BCL9L: variants seen among roughly 807,000 people sequenced by gnomAD.
BCL9L encodes B-cell CLL/lymphoma 9-like protein.
Under a neutral mutation model 99.4 loss-of-function variants are expected in BCL9L, and 19 were observed. The observed-to-expected ratio is 0.19, with a 90% CI of 0.13 to 0.28. The LOEUF (loss-of-function observed/expected upper bound fraction) is 0.28, where lower values mean the gene tolerates loss of function less well. BCL9L is among the 10% of genes least tolerant of loss of function. The pLI, the probability that BCL9L is intolerant of heterozygous loss-of-function variation, is 1.00. For synonymous variants in BCL9L, 900 were observed against 854.8 expected, an observed-to-expected ratio of 1.05 and a Z score of -0.92; for missense variants, 2,023 against 2,101.6, an observed-to-expected ratio of 0.96 and a Z score of 0.73.
In BCL9L at chr11:118,901,557, C is replaced by T. The variant is rs1478840279; in HGVS notation, c.2186G>A (p.Gly729Asp). Residue 729 changes from glycine (G) to aspartate (D), a missense_variant, in exon 8 of 10, where the codon GGT becomes GAT. Coordinates refer to ENST00000683865, the MANE Select transcript of BCL9L (RefSeq NM_001378213.1). The surrounding 1 kb of genome is among the most constrained non-coding windows in gnomAD (Gnocchi z 6.6). ...GGGAGTGCCCGCCAGGCCCTCACCA[C>T]CAGCCATCTGCCCGGGAAACATGGC... ...DPAMFPGQMAGGEGLAGTPMG... is the reference protein window; with the variant it reads ...DPAMFPGQMADGEGLAGTPMG... The T allele has an allele frequency of 1.2e-6, 2 of 1,614,048 alleles. No homozygotes were observed. The highest frequency in any genetic ancestry group is 2.2e-5 in the East Asian group (1 of 44,886).
chr11:118,903,304 C>T lies in BCL9L; in HGVS notation c.681G>A (p.Gly227=). ...LRPDAPGGGG[G]GGGVPGKPPS... ...GAGGCTTTCCGGGGACGCCCCCGCCCCCGCCCCCGCCCCCAGGGGCATCAG... is the reference window on the plus strand; with the variant it reads ...GAGGCTTTCCGGGGACGCCCCCGCCTCCGCCCCCGCCCCCAGGGGCATCAG... Residue 227 remains glycine (G), a synonymous_variant, in exon 6 of 10, where the codon GGG becomes GGA. Coordinates refer to ENST00000683865, the MANE Select transcript of BCL9L (RefSeq NM_001378213.1). This position sits in a 1 kb window ranked among gnomAD's most constrained non-coding sequence, Gnocchi z 5.6. 6.4e-7 allele frequency: 1 copy of T among 1,569,626 alleles called. No individual in the cohort carries two copies. Among genetic ancestry groups the T allele is most frequent in the Non-Finnish European group, 8.6e-7 (1 of 1,157,196 alleles).
intron 5 of BCL9L, among the ~76,000 whole-genome samples, chr11:118,904,595 A>G (rs77768793): frequency 3.9e-5 from 6 of 152,208 alleles, no homozygotes; most frequent in Admixed American, 1.3e-4. Context: ...GTAGAAAAAA[A>G]TCTACAACGG....
At position 118,902,627 on chromosome 11, in the gene BCL9L, G is replaced by A; in HGVS notation, c.1116C>T (p.Ser372=). 1 of 1,599,806 alleles carries A rather than the reference G, an allele frequency of 6.3e-7. No individual in the cohort carries two copies. Among genetic ancestry groups the A allele is most frequent in the South Asian group, 1.1e-5 (1 of 91,074 alleles). The change falls in exon 8 of 10, where the codon AGC becomes AGT. Residue 372 remains serine (S), a synonymous_variant. Coordinates refer to ENST00000683865, the MANE Select transcript of BCL9L (RefSeq NM_001378213.1). This position sits in a 1 kb window ranked among gnomAD's most constrained non-coding sequence, Gnocchi z 7.8. ...NNPLPPGGDP[S]SAPGPALLGE... is the part of the protein sequence containing the mutation. ...CCAGCAGGGCAGGGCCGGGGGCACT[G>A]CTGGGGTCTCCTCCAGGAGGCAGAG...
Position 118,903,013 on chromosome 11 carries a change from C to G in BCL9L, c.811G>C (p.Val271Leu), listed in dbSNP as rs371563283. The change falls in exon 7 of 10, where the codon GTG becomes CTG. Residue 271 changes from valine to leucine, a missense_variant. Around this residue, in one of 3 missense-constraint regions of BCL9L, gnomAD observed 1,116 missense variants for 1,194.6 expected, o/e 0.93. Transcript: ENST00000683865. The surrounding 1 kb of genome is among the most constrained non-coding windows in gnomAD (Gnocchi z 5.6). ...DSILAYHQQN[V>L]PRAKLDQAPK... ...ACCTGGTCAAGCTTGGCCCGGGGCACGTTCTGCTGGTGGTAGGCGAGGATG... is the reference window on the plus strand; with the variant it reads ...ACCTGGTCAAGCTTGGCCCGGGGCAGGTTCTGCTGGTGGTAGGCGAGGATG... 1 of 1,595,942 alleles carries G rather than the reference C, an allele frequency of 6.3e-7. No homozygotes were observed. The highest frequency in any genetic ancestry group is 8.5e-7 in the Non-Finnish European group (1 of 1,174,970).
At chr11:118,919,888 G>A (rs1397209509) in intron 1 of BCL9L, among the ~76,000 whole-genome samples, 17 of 152,198 alleles carry the variant, frequency 1.1e-4, no homozygotes, top group Admixed American at 1.1e-3. Context: ...GCAGTGACGT[G>A]TGTGCGTGTC....
intron 2 of BCL9L, 191 bp from the exon 3 acceptor site, chr11:118,910,206 T>G: frequency 2.0e-6 from 1 of 506,400 alleles, no homozygotes; most frequent in Non-Finnish European, 3.6e-6. Context: ...TCCCGCACCT[T>G]GCCCTCAGGG....
In BCL9L at chr11:118,903,562, C is replaced by T; in HGVS notation, c.533-110G>A. ...GCCTTACAGCTCGTGCCCACAGGGACATTTGATGTCAGTATCTGGTGTTCT... is the reference window on the plus strand; with the variant it reads ...GCCTTACAGCTCGTGCCCACAGGGATATTTGATGTCAGTATCTGGTGTTCT... On this transcript the variant is annotated intron_variant, in intron 5 of 9. Coordinates refer to ENST00000683865, the MANE Select transcript of BCL9L (RefSeq NM_001378213.1). The surrounding 1 kb of genome is among the most constrained non-coding windows in gnomAD (Gnocchi z 5.6). 2.5e-6 allele frequency: 3 copies of T among 1,180,202 alleles called. No individual in the cohort carries two copies. Among genetic ancestry groups the T allele is most frequent in the South Asian group, 2.7e-5 (2 of 74,954 alleles). 73.1% of individuals were successfully genotyped at this position (1,180,202 alleles called of 1,614,324 possible).
chr11:118,906,432 AC>A (rs1940522094), intron 5 of BCL9L, among the ~76,000 whole-genome samples: 1 of 151,816 alleles, frequency 6.6e-6, no homozygotes, highest in Non-Finnish European at 1.5e-5. Flanking sequence ...TTGGTATTTG[AC>A]CCTCTACACC....
At position 118,898,372 on chromosome 11, in the gene BCL9L, C is replaced by T. The variant is rs751094289; in HGVS notation, c.*43G>A. ...AGGGGAAGAACTTTGTTAAGGTTATCGTATTTGCAACATTGCCCCGGCTCC... is the reference window on the plus strand; with the variant it reads ...AGGGGAAGAACTTTGTTAAGGTTATTGTATTTGCAACATTGCCCCGGCTCC... On this transcript the variant is annotated 3_prime_UTR_variant, in exon 10 of 10. Coordinates refer to ENST00000683865, the MANE Select transcript of BCL9L (RefSeq NM_001378213.1). 57 of 1,332,272 alleles carry T rather than the reference C, an allele frequency of 4.3e-5. No homozygotes were observed. The East Asian group carries it at 7.7e-4, about 18-fold the overall frequency. 82.5% of individuals were successfully genotyped at this position (1,332,272 alleles called of 1,614,324 possible).
At position 118,897,770 on chromosome 11, in the gene BCL9L, G is replaced by A. The variant is rs1488974898; in HGVS notation, c.*645C>T. The A allele has an allele frequency of 2.2e-6, 1 of 448,080 alleles. No homozygotes were observed. The highest frequency in any genetic ancestry group is 2.1e-5 in the African/African-American group (1 of 48,600). The allele number at this position is 448,080 out of a possible 1,614,324, so 27.8% of individuals were successfully genotyped here. On this transcript the variant is annotated 3_prime_UTR_variant, in exon 10 of 10. Transcript: ENST00000683865. ...GTTTCTTTTATCCTTTTTTTTTTGT[G>A]TGACTTCTATCAAAACACAGAAATA...
Position 118,900,387 on chromosome 11 carries a change from A to C in BCL9L, c.3125-189T>G, listed in dbSNP as rs572459389. The stretch of plus-strand genomic sequence containing the variant: ...GCAATTCCTGCAGCCTCAGGGCCCC[A>C]GGCAAGGGGAAGATCCCAGGCCCCA... On this transcript the variant is annotated intron_variant, in intron 8 of 9. Transcript: ENST00000683865. This position sits in a 1 kb window ranked among gnomAD's most constrained non-coding sequence, Gnocchi z 5.3. 2.6e-5 allele frequency among the ~76,000 whole-genome samples: 4 copies of C among 152,178 alleles called. No homozygotes were observed. Among genetic ancestry groups the C allele is most frequent in the African/African-American group, 9.6e-5 (4 of 41,512 alleles).
chr11:118,913,745 G>A (rs1301823208), intron 2 of BCL9L, among the ~76,000 whole-genome samples: 1 of 139,876 alleles, frequency 7.1e-6, no homozygotes, highest in African/African-American at 2.6e-5. Flanking sequence ...CCCCAACAGA[G>A]GCAAGGGCCA....
In BCL9L at chr11:118,899,870, G is replaced by T. The variant is rs761393768; in HGVS notation, c.3406+47C>A. On this transcript the variant is annotated intron_variant, in intron 9 of 9. Coordinates refer to ENST00000683865, the MANE Select transcript of BCL9L (RefSeq NM_001378213.1). ...ACCACAGCTGTGCTCCCCGCTCCCA[G>T]TGCCCACACCAGCTGGCCTCCCTGG... 3 of 1,580,406 alleles carry T rather than the reference G, an allele frequency of 1.9e-6. No homozygotes were observed. In the African/African-American group the frequency reaches 4.0e-5, roughly 21 times the overall value.
chr11:118,903,496 C>G lies in BCL9L; in HGVS notation c.533-44G>C. On this transcript the variant is annotated intron_variant, in intron 5 of 9. Coordinates refer to ENST00000683865, the MANE Select transcript of BCL9L (RefSeq NM_001378213.1). The surrounding 1 kb of genome is among the most constrained non-coding windows in gnomAD (Gnocchi z 5.6). ...GGAAAGGGGCTAAGTGGTCTAGATA[C>G]AAGAAGGACCAGCTGATGCCCCCTC... The G allele has an allele frequency of 1.3e-6, 2 of 1,590,222 alleles. No homozygotes were observed. Among genetic ancestry groups the G allele is most frequent in the Non-Finnish European group, 1.7e-6 (2 of 1,161,958 alleles).
chr11:118,901,880 G>C lies in BCL9L; in HGVS notation c.1863C>G (p.Pro621=). ...VPGFGGMQSM[P]MEVPMNAMQR... ...GCATGGCATTCATGGGCACCTCCAT[G>C]GGCATACTCTGCATGCCCCCAAACC... The change falls in exon 8 of 10, where the codon CCC becomes CCG. Residue 621 remains proline (P), a synonymous_variant. Transcript: ENST00000683865. This position sits in a 1 kb window ranked among gnomAD's most constrained non-coding sequence, Gnocchi z 6.6. 1 of 1,613,254 alleles carries C rather than the reference G, an allele frequency of 6.2e-7. No homozygotes were observed. The highest frequency in any genetic ancestry group is 8.5e-7 in the Non-Finnish European group (1 of 1,179,360).
chr11:118,923,153 T>C (rs1941191167), intron 1 of BCL9L, among the ~76,000 whole-genome samples: 1 of 152,104 alleles, frequency 6.6e-6, no homozygotes, highest in African/African-American at 2.4e-5. Flanking sequence ...ACCCTGGTCC[T>C]TTCCTCCCAC....
chr11:118,899,989 T>C lies in BCL9L; in HGVS notation c.3334A>G (p.Thr1112Ala). ...LYHNAIKTIATSDDELLPDRP... is the reference protein window; with the variant it reads ...LYHNAIKTIAASDDELLPDRP... ...TCGGGCAGCAGCTCGTCGTCTGAGG[T>C]GGCGATGGTCTTGATGGCATTGTGG... Residue 1112 changes from threonine (T) to alanine (A), a missense_variant, in exon 9 of 10, where the codon ACC becomes GCC. This residue lies in a region of BCL9L where 902 missense variants were observed against 888.2 expected (regional missense o/e 1.02). Coordinates refer to ENST00000683865, the MANE Select transcript of BCL9L (RefSeq NM_001378213.1). The C allele has an allele frequency of 1.2e-6, 2 of 1,613,748 alleles. No homozygotes were observed. Among genetic ancestry groups the C allele is most frequent in the Non-Finnish European group, 1.7e-6 (2 of 1,179,906 alleles).
chr11:118,922,717 C>T lies in BCL9L; in HGVS notation c.-131+2521G>A, dbSNP rs550561121. ...CCTCCCCCCATCGGAGGTCAGCACC[C>T]GGGCAGTGCCCAGGGCTCTGGCACA... On this transcript the variant is annotated intron_variant, in intron 1 of 9. Coordinates refer to ENST00000683865, the MANE Select transcript of BCL9L (RefSeq NM_001378213.1). The surrounding 1 kb of genome is among the most constrained non-coding windows in gnomAD (Gnocchi z 6.2). 9.7e-4 allele frequency among the ~76,000 whole-genome samples: 147 copies of T among 152,218 alleles called. No individual in the cohort carries two copies. Among genetic ancestry groups the T allele is most frequent in the Middle Eastern group, 3.4e-3 (1 of 294 alleles).
Position 118,899,403 on chromosome 11 carries a change from G to C in BCL9L, c.3512C>G (p.Pro1171Arg). 3 of 1,588,392 alleles carry C rather than the reference G, an allele frequency of 1.9e-6. No homozygotes were observed. Among genetic ancestry groups the C allele is most frequent in the Non-Finnish European group, 2.6e-6 (3 of 1,169,142 alleles). The change falls in exon 10 of 10, where the codon CCG becomes CGG. Residue 1171 changes from proline (P) to arginine (R), a missense_variant. Pro to Arg is a moderately radical substitution (Grantham distance 103, BLOSUM62 -2). Around this residue, in one of 3 missense-constraint regions of BCL9L, gnomAD observed 902 missense variants for 888.2 expected, o/e 1.02. Coordinates refer to ENST00000683865, the MANE Select transcript of BCL9L (RefSeq NM_001378213.1). ...PGQQPLSHEP[P>R]PAMLPSPTPL... Reference sequence around the variant, plus strand: ...GGTGGGGGAGGGCAGCATGGCGGGCGGGGGCTCATGGGACAGGGGCTGCTG... The same window carrying C: ...GGTGGGGGAGGGCAGCATGGCGGGCCGGGGCTCATGGGACAGGGGCTGCTG...
Sources: gnomAD v4.1 joint callset for allele counts (sites outside exome capture counted in the v4.1 genomes callset) on GRCh38, gnomAD v4.1.1 for gene constraint, gnomAD v4.1.1 regional missense constraint, Gnocchi (gnomAD v3.1) non-coding constraint, MANE v1.5 for transcripts, NCBI Gene and HGNC (gene_info 2026-07-23, HGNC 2026-07-21) for gene names.